TWSG1: variants seen among roughly 807,000 people sequenced by gnomAD.
TWSG1 encodes the protein twisted gastrulation BMP signaling modulator 1.
Under a neutral mutation model 23.0 loss-of-function variants are expected in TWSG1, and 15 were observed. That is an observed-to-expected ratio of 0.65 (90% CI 0.44 to 1.00). The LOEUF (loss-of-function observed/expected upper bound fraction) is 1.00. Ranked by LOEUF, TWSG1 falls within the 50% of genes least tolerant of loss-of-function variation. The probability of loss-of-function intolerance (pLI) is 0.00; values close to 1 mark genes in which losing one functional copy is unlikely to be tolerated. For synonymous variants in TWSG1, 86 were observed against 92.8 expected (o/e 0.93, Z 0.42); for missense variants, 242 against 278.7 (o/e 0.87, Z 0.94).
chr18:9,391,773 T>C (rs1489613766), intron 3 of TWSG1, among the ~76,000 whole-genome samples: 2 of 152,174 alleles, frequency 1.3e-5, no homozygotes, highest in African/African-American at 4.8e-5. Context: ...ACTTGCAAGT[T>C]GAAATGACTC....
rs758122602 is a variant in TWSG1, at chr18:9,396,552, T to C, written c.490+6T>C. On this transcript the variant is annotated splice_donor_region_variant and intron_variant, in intron 4 of 4. Coordinates refer to ENST00000262120, the MANE Select transcript of TWSG1 (RefSeq NM_020648.6). ...GCCTTATTCCAGTGACAAAGGTAACTGCCAACAGTTGACTTTTTCCATTCC... is the reference window on the plus strand; with the variant it reads ...GCCTTATTCCAGTGACAAAGGTAACCGCCAACAGTTGACTTTTTCCATTCC... The C allele has an allele frequency of 1.9e-6, 3 of 1,607,552 alleles. No homozygotes were observed. In the South Asian group the frequency reaches 3.3e-5, roughly 18 times the overall value.
At chr18:9,370,129 C>A (rs1335273118) in intron 3 of TWSG1, among the ~76,000 whole-genome samples, 1 of 151,998 alleles carries the variant, frequency 6.6e-6, no homozygotes, top group African/African-American at 2.4e-5. Context: ...ACCATCCTGG[C>A]CAACATGGTG....
chr18:9,369,136 T>C (rs547163937), intron 3 of TWSG1, among the ~76,000 whole-genome samples: 196 of 137,372 alleles, frequency 1.4e-3, no homozygotes, highest in African/African-American at 4.6e-3. Context: ...AACAAATAAA[T>C]AAATAAAATA....
intron 3 of TWSG1, among the ~76,000 whole-genome samples, chr18:9,364,500 A>T (rs895712239): frequency 6.6e-5 from 10 of 152,116 alleles, no homozygotes; most frequent in African/African-American, 2.2e-4. Flanking sequence ...CTTCATTAGA[A>T]GCTGTAAAAC....
intron 3 of TWSG1, among the ~76,000 whole-genome samples, chr18:9,372,566 T>A (rs2040611042): frequency 6.7e-6 from 1 of 148,508 alleles, no homozygotes; most frequent in East Asian, 1.9e-4. Flanking sequence ...CATTATAATA[T>A]ATGCTTATGT....
intron 3 of TWSG1, among the ~76,000 whole-genome samples, chr18:9,385,485 G>A (rs1598833469): frequency 2.5e-5 from 1 of 39,552 alleles, no homozygotes; most frequent in Non-Finnish European, 5.2e-5. Flanking sequence ...TCAGGAGATC[G>A]AGACCATCCT....
At position 9,390,365 on chromosome 18, in the gene TWSG1, G is replaced by A. The variant is rs901507275; in HGVS notation, c.224-5915G>A. On this transcript the variant is annotated intron_variant, in intron 3 of 4. Transcript: ENST00000262120. Reference sequence around the variant, plus strand: ...TTTAGTAGAGACGGGGTTTCACCACGTTAGCCAGGATGGTCTCGATCTCCT... The same window carrying A: ...TTTAGTAGAGACGGGGTTTCACCACATTAGCCAGGATGGTCTCGATCTCCT... 6.6e-5 allele frequency among the ~76,000 whole-genome samples: 10 copies of A among 152,120 alleles called. No homozygotes were observed. The East Asian group carries it at 7.7e-4, about 12-fold the overall frequency.
intron 3 of TWSG1, among the ~76,000 whole-genome samples, chr18:9,387,587 A>G (rs1320121404): frequency 6.7e-6 from 1 of 149,368 alleles, no homozygotes; most frequent in African/African-American, 2.5e-5. Context: ...TAAAATGGCA[A>G]AACTTCATCT....
chr18:9,382,579 T>C (rs2040662640), intron 3 of TWSG1, among the ~76,000 whole-genome samples: 1 of 151,046 alleles, frequency 6.6e-6, no homozygotes, highest in African/African-American at 2.4e-5. Context: ...TTTGGGAGGC[T>C]GAGGCGGGCA....
chr18:9,388,102 A>G (rs1048069877), intron 3 of TWSG1: 16 of 152,310 alleles, frequency 1.1e-4, no homozygotes, highest in East Asian at 3.9e-4. Flanking sequence ...CAGTTGACCT[A>G]TAGAATAGCC....
chr18:9,343,213 TATATATATATATATATATATATATATATA>T (rs1568030717), intron 2 of TWSG1, among the ~76,000 whole-genome samples: 16 of 1,810 alleles, frequency 8.8e-3, no homozygotes, highest in Non-Finnish European at 0.036. Flanking sequence ...TTTTTTGTTA[TATATATATATATATATATATATATATATA>T]TATATATATA....
chr18:9,378,141 C>G (rs1219369708), intron 3 of TWSG1, among the ~76,000 whole-genome samples: 1 of 152,150 alleles, frequency 6.6e-6, no homozygotes, highest in Non-Finnish European at 1.5e-5. Context: ...CAGCCACAGA[C>G]TAGGAGAAAA....
At chr18:9,369,518 C>T (rs536933219) in intron 3 of TWSG1, among the ~76,000 whole-genome samples, 7 of 152,294 alleles carry the variant, frequency 4.6e-5, no homozygotes, top group Admixed American at 2.6e-4. Context: ...ACACCCACCT[C>T]GCCTTCCCAA....
intron 3 of TWSG1, among the ~76,000 whole-genome samples, chr18:9,392,787 T>A (rs1395767633): frequency 2.6e-5 from 4 of 152,228 alleles, no homozygotes; most frequent in Non-Finnish European, 4.4e-5. Context: ...CTAACTTTTT[T>A]AATTTAAAGT....
intron 3 of TWSG1, among the ~76,000 whole-genome samples, chr18:9,371,377 A>G (rs558444689): frequency 2.3e-4 from 35 of 151,266 alleles, no homozygotes; most frequent in African/African-American, 7.8e-4. Flanking sequence ...GCTCACTGCA[A>G]CCTCTGCCTC....
intron 3 of TWSG1, among the ~76,000 whole-genome samples, chr18:9,393,733 T>C (rs2040722373): frequency 6.6e-6 from 1 of 151,708 alleles, no homozygotes; most frequent in Non-Finnish European, 1.5e-5. Flanking sequence ...AATTTTTTTG[T>C]TTGTTTTGAT....
intron 4 of TWSG1, among the ~76,000 whole-genome samples, chr18:9,398,179 T>C (rs920126743): frequency 1.2e-4 from 18 of 152,088 alleles, no homozygotes; most frequent in Non-Finnish European, 2.4e-4. Flanking sequence ...TAGAAACATA[T>C]GGAATGCAAT....
intron 3 of TWSG1, among the ~76,000 whole-genome samples, chr18:9,375,598 T>G (rs1237610542): frequency 1.3e-5 from 2 of 152,212 alleles, no homozygotes; most frequent in East Asian, 3.8e-4. Flanking sequence ...CCTGAAAGAA[T>G]TGACCAAAAA....
At chr18:9,385,351 C>A (rs1026111193) in intron 3 of TWSG1, among the ~76,000 whole-genome samples, 2 of 152,040 alleles carry the variant, frequency 1.3e-5, no homozygotes, top group African/African-American at 2.4e-5. Flanking sequence ...GTGTCTCCAG[C>A]CTAATGACTA....
Sources: gnomAD v4.1 joint callset for allele counts (sites outside exome capture counted in the v4.1 genomes callset) on GRCh38, gnomAD v4.1.1 for gene constraint, MANE v1.5 for transcripts, NCBI Gene and HGNC (gene_info 2026-07-23, HGNC 2026-07-21) for gene names.